The following CAPZB variants were observed in gnomAD, a reference collection of about 807,000 sequenced individuals.
CAPZB encodes F-actin-capping protein subunit beta.
CAPZB carries 2 observed loss-of-function variants against 38.1 expected under a neutral mutation model. The observed-to-expected ratio is 0.05, with a 90% CI of 0.02 to 0.17. The LOEUF is 0.17. Ranked by LOEUF, CAPZB falls within the 10% of genes least tolerant of loss-of-function variation. The probability of loss-of-function intolerance (pLI) is 1.00; values close to 1 mark genes in which losing one functional copy is unlikely to be tolerated. For synonymous variants in CAPZB, 107 were observed against 127.4 expected (o/e 0.84, Z 1.08); for missense variants, 161 against 334.2 (o/e 0.48, Z 4.04).
intron 4 of CAPZB, among the ~76,000 whole-genome samples, chr1:19,360,276 T>C (rs1457487062): frequency 1.3e-5 from 2 of 152,182 alleles, no homozygotes; most frequent in African/African-American, 4.8e-5. Context: ...CACACCGTTT[T>C]CCCTTTCAGT....
intron 1 of CAPZB, among the ~76,000 whole-genome samples, chr1:19,449,783 C>CAAAA (rs66655807): frequency 2.3e-5 from 2 of 87,922 alleles, no homozygotes; most frequent in Admixed American, 1.2e-4. Flanking sequence ...GAGTCTGTCT[C>CAAAA]AAAAAAAAAA....
chr1:19,390,479 G>T (rs1367265733), intron 2 of CAPZB, among the ~76,000 whole-genome samples: 1 of 152,228 alleles, frequency 6.6e-6, no homozygotes, highest in African/African-American at 2.4e-5. Context: ...CTGTTGGGGG[G>T]ATTTAAACAT....
chr1:19,462,975 AT>A (rs1558285001), intron 1 of CAPZB, among the ~76,000 whole-genome samples: 1 of 152,198 alleles, frequency 6.6e-6, no homozygotes, highest in Non-Finnish European at 1.5e-5. Context: ...GATATAGAAC[AT>A]TTCCATCATC....
intron 2 of CAPZB, among the ~76,000 whole-genome samples, chr1:19,387,171 G>A (rs1404652636): frequency 6.6e-6 from 1 of 152,202 alleles, no homozygotes; most frequent in Non-Finnish European, 1.5e-5. Flanking sequence ...GAGGCCGGGA[G>A]CCATAAAGTT....
intron 1 of CAPZB, among the ~76,000 whole-genome samples, chr1:19,423,204 A>G (rs964198881): frequency 6.6e-6 from 1 of 152,242 alleles, no homozygotes; most frequent in Non-Finnish European, 1.5e-5. Flanking sequence ...TTTAACTATC[A>G]TTCAATGAGG....
chr1:19,394,744 A>T (rs2094256767), intron 2 of CAPZB, among the ~76,000 whole-genome samples: 1 of 152,074 alleles, frequency 6.6e-6, no homozygotes, highest in Non-Finnish European at 1.5e-5. Context: ...AAACAAACAA[A>T]CAAAAAAAGT....
intron 1 of CAPZB, among the ~76,000 whole-genome samples, chr1:19,420,688 C>T (rs2094398151): frequency 6.6e-6 from 1 of 152,108 alleles, no homozygotes; most frequent in African/African-American, 2.4e-5. Flanking sequence ...GCCTTGGCCT[C>T]CCAAAGTGCC....
chr1:19,426,844 T>C (rs6703297), intron 1 of CAPZB, among the ~76,000 whole-genome samples: 27,488 of 152,224 alleles, frequency 0.18, 2,936 homozygotes, highest in African/African-American at 0.29. Flanking sequence ...GATGGTTTTG[T>C]TAGACAGCAA....
intron 4 of CAPZB, among the ~76,000 whole-genome samples, chr1:19,360,742 C>G (rs1038565713): frequency 6.6e-6 from 1 of 152,204 alleles, no homozygotes; most frequent in African/African-American, 2.4e-5. Flanking sequence ...AATGTCCCAC[C>G]CTGTGGCCTG....
chr1:19,477,694 G>C (rs1030078988), intron 1 of CAPZB, among the ~76,000 whole-genome samples: 1 of 152,224 alleles, frequency 6.6e-6, no homozygotes, highest in Non-Finnish European at 1.5e-5. Context: ...AAATGCCACT[G>C]GCTCAATTCT....
intron 6 of CAPZB, among the ~76,000 whole-genome samples, chr1:19,354,282 C>T (rs890419496): frequency 1.3e-5 from 2 of 152,198 alleles, no homozygotes; most frequent in Middle Eastern, 3.2e-3. Context: ...TCACTTCTCC[C>T]AGAACCCTTC....
At chr1:19,477,936 A>C (rs915588390) in intron 1 of CAPZB, among the ~76,000 whole-genome samples, 2 of 152,180 alleles carry the variant, frequency 1.3e-5, no homozygotes, top group Non-Finnish European at 2.9e-5. Flanking sequence ...CGATGCCTGA[A>C]TCCACTTACT....
At chr1:19,420,650 T>G (rs1479285027) in intron 1 of CAPZB, among the ~76,000 whole-genome samples, 1 of 151,980 alleles carries the variant, frequency 6.6e-6, no homozygotes, top group African/African-American at 2.4e-5. Context: ...AGGGTGGTCT[T>G]GAACTCCTGG....
chr1:19,345,711 T>A (rs1163385068), intron 6 of CAPZB, among the ~76,000 whole-genome samples: 1 of 152,240 alleles, frequency 6.6e-6, no homozygotes, highest in Non-Finnish European at 1.5e-5. Context: ...TCCCAAATGG[T>A]GGCTTTGGGG....
intron 4 of CAPZB, among the ~76,000 whole-genome samples, chr1:19,372,422 C>T (rs547439209): frequency 2.6e-5 from 4 of 152,326 alleles, no homozygotes; most frequent in African/African-American, 7.2e-5. Context: ...AGGCAGAACC[C>T]GGGGCCGACA....
chr1:19,356,390 G>T lies in CAPZB; in HGVS notation c.588+245C>A, dbSNP rs757746140. Among the ~76,000 whole-genome samples, 1 of 152,212 alleles carries T rather than the reference G, an allele frequency of 6.6e-6. No individual in the cohort carries two copies. Among genetic ancestry groups the T allele is most frequent in the Non-Finnish European group, 1.5e-5 (1 of 68,042 alleles). On this transcript the variant is annotated intron_variant, in intron 6 of 8. Coordinates refer to ENST00000264202, the MANE Select transcript of CAPZB (RefSeq NM_004930.5). This position sits in a 1 kb window ranked among gnomAD's most constrained non-coding sequence, Gnocchi z 4.3. The stretch of plus-strand genomic sequence containing the variant: ...GATGTGCGGGGCCCTGAGGGGTAAG[G>T]AGGAGCCACAGCCAGCACCCGGCCT...
intron 2 of CAPZB, among the ~76,000 whole-genome samples, chr1:19,419,402 G>A (rs2094392810): frequency 6.6e-6 from 1 of 152,178 alleles, no homozygotes. Flanking sequence ...CTGAAGACAA[G>A]GCAGCTGGGG....
chr1:19,416,152 C>T (rs1329352458), intron 2 of CAPZB, among the ~76,000 whole-genome samples: 3 of 152,296 alleles, frequency 2.0e-5, no homozygotes, highest in African/African-American at 4.8e-5. Context: ...TTTTTTGCCC[C>T]GTGTCTAGTT....
intron 2 of CAPZB, among the ~76,000 whole-genome samples, chr1:19,392,358 G>T (rs926098372): frequency 6.6e-6 from 1 of 151,964 alleles, no homozygotes; most frequent in Admixed American, 6.6e-5. Flanking sequence ...GGCATCCCAA[G>T]AAGAGGGAAG....
Sources: allele counts gnomAD v4.1 joint callset (sites outside exome capture counted in the v4.1 genomes callset), GRCh38; gene constraint gnomAD v4.1.1; non-coding constraint Gnocchi (gnomAD v3.1); transcripts MANE v1.5; gene names NCBI Gene and HGNC (gene_info 2026-07-23, HGNC 2026-07-21).